Variants in NRG3 observed in about 807,000 individuals in gnomAD.
NRG3 encodes the protein pro-neuregulin-3, membrane-bound isoform.
NRG3 carries 31 observed loss-of-function variants against 66.9 expected under a neutral mutation model. That is an observed-to-expected ratio of 0.46 (90% CI 0.35 to 0.63). The LOEUF (loss-of-function observed/expected upper bound fraction) is 0.63, where lower values mean the gene tolerates loss of function less well. Ranked by LOEUF, NRG3 falls within the 20% of genes least tolerant of loss-of-function variation. The pLI, the probability that NRG3 is intolerant of heterozygous loss-of-function variation, is 0.00. For missense variants in NRG3, 910 were observed against 878.9 expected (o/e 1.04, Z -0.45); for synonymous variants, 393 against 359.4 (o/e 1.09, Z -1.06).
chr10:81,914,068 C>G (rs1304219681), intron 1 of NRG3, among the ~76,000 whole-genome samples: 7 of 152,088 alleles, frequency 4.6e-5, no homozygotes, highest in Non-Finnish European at 8.8e-5. Flanking sequence ...GCCACATTGG[C>G]TAAATATATC....
chr10:82,019,529 T>C (rs1191258145), intron 1 of NRG3, among the ~76,000 whole-genome samples: 3 of 152,228 alleles, frequency 2.0e-5, no homozygotes, highest in Non-Finnish European at 4.4e-5. Flanking sequence ...CTCCTCCTTG[T>C]ACCTCTGGTA....
At chr10:82,518,695 C>T (rs921505539) in intron 2 of NRG3, among the ~76,000 whole-genome samples, 5 of 152,014 alleles carry the variant, frequency 3.3e-5, no homozygotes, top group African/African-American at 1.2e-4. Flanking sequence ...TCTTCAAGGG[C>T]AGCTGGTGAC....
chr10:81,997,220 G>C (rs535780711), intron 1 of NRG3, among the ~76,000 whole-genome samples: 1 of 152,170 alleles, frequency 6.6e-6, no homozygotes, highest in Non-Finnish European at 1.5e-5. Flanking sequence ...GTGATATGGT[G>C]CCTCTCTAAC....
At chr10:82,009,314 G>T (rs911405631) in intron 1 of NRG3, among the ~76,000 whole-genome samples, 3 of 152,144 alleles carry the variant, frequency 2.0e-5, no homozygotes, top group African/African-American at 7.2e-5. Flanking sequence ...TCCAGGGGTG[G>T]CTTGCTTTGT....
In NRG3 at chr10:82,601,429, T is replaced by A. The variant is rs76607214; in HGVS notation, c.954-137148T>A. 2.2e-3 allele frequency among the ~76,000 whole-genome samples: 333 copies of A among 152,344 alleles called. 10 individuals carry two copies. The East Asian group carries it at 0.044, about 20-fold the overall frequency. ...GAATGTTTTCAGGCAAATAACTTTT[T>A]CATGTTGGCATTGTTCTTTGGTTAG... On this transcript the variant is annotated intron_variant, in intron 2 of 8. Coordinates refer to ENST00000372141, the MANE Select transcript of NRG3 (RefSeq NM_001010848.4).
chr10:82,845,649 T>C (rs1591704383), intron 3 of NRG3, among the ~76,000 whole-genome samples: 1 of 152,032 alleles, frequency 6.6e-6, no homozygotes, highest in African/African-American at 2.4e-5. Context: ...AGAAAATAAG[T>C]CAATGCAACA....
At chr10:82,655,604 A>C (rs1267214689) in intron 2 of NRG3, among the ~76,000 whole-genome samples, 1 of 152,180 alleles carries the variant, frequency 6.6e-6, no homozygotes, top group Non-Finnish European at 1.5e-5. Context: ...TAAAAACTGC[A>C]AGAAATTAAT....
chr10:82,250,818 G>A (rs765211075), intron 1 of NRG3, among the ~76,000 whole-genome samples: 2 of 152,232 alleles, frequency 1.3e-5, no homozygotes, highest in South Asian at 4.1e-4. Flanking sequence ...TCCTTGCCTG[G>A]TGCCTGGCTC....
chr10:82,078,411 C>T (rs1280620384), intron 1 of NRG3, among the ~76,000 whole-genome samples: 2 of 152,292 alleles, frequency 1.3e-5, no homozygotes, highest in South Asian at 2.1e-4. Context: ...AGTGCAGTGG[C>T]ACGATCTCGG....
At chr10:82,590,486 T>C (rs2046918932) in intron 2 of NRG3, among the ~76,000 whole-genome samples, 1 of 152,168 alleles carries the variant, frequency 6.6e-6, no homozygotes, top group African/African-American at 2.4e-5. Flanking sequence ...TATTGCCTAC[T>C]CAAAATGTGA....
At chr10:82,932,339 T>C (rs1847653818) in intron 4 of NRG3, among the ~76,000 whole-genome samples, 2 of 152,180 alleles carry the variant, frequency 1.3e-5, no homozygotes, top group Non-Finnish European at 2.9e-5. Context: ...TTTAGGGTGA[T>C]TGAGATGTCA....
At chr10:82,690,566 A>G (rs2054848723) in intron 2 of NRG3, among the ~76,000 whole-genome samples, 2 of 152,324 alleles carry the variant, frequency 1.3e-5, no homozygotes, top group South Asian at 2.1e-4. Context: ...ATAATTCTAC[A>G]TAGAGTGTAA....
rs1269823892 is a variant in NRG3 at position 82,398,524 on chromosome 10, TGTGA to T, written c.953+39658_953+39661del. Reference sequence around the variant, plus strand: ...GTGTGTGTGTGTGTGTGTGTGTGTGTGTGAGAGAGAGAGAGAGAGAGTATGAGTG... The same window carrying T: ...GTGTGTGTGTGTGTGTGTGTGTGTGTGAGAGAGAGAGAGAGAGTATGAGTG... On this transcript the variant is annotated intron_variant, in intron 2 of 8. Transcript: ENST00000372141. 8.5e-5 allele frequency among the ~76,000 whole-genome samples: 12 copies of T among 141,236 alleles called. No homozygotes were observed. In the East Asian group the frequency reaches 1.0e-3, roughly 12 times the overall value. The allele number at this position is 141,236 out of a possible 152,430, so 92.7% of individuals were successfully genotyped here. A position where few individuals can be genotyped will look rare whatever the true frequency, so the allele number is the denominator to read the frequency against.
Position 82,654,896 on chromosome 10 carries a change from G to A in NRG3, c.954-83681G>A, listed in dbSNP as rs192774194. ...TTGATATATTTTTAAAGTGTTATAC[G>A]TATCTCCCACCAAAAATATATTATT... On this transcript the variant is annotated intron_variant, in intron 2 of 8. Transcript: ENST00000372141. Among the ~76,000 whole-genome samples the A allele has an allele frequency of 7.9e-5, 12 of 151,926 alleles. No homozygotes were observed. The East Asian group carries it at 1.5e-3, about 20-fold the overall frequency.
chr10:82,852,600 G>A (rs2063616359), intron 3 of NRG3, among the ~76,000 whole-genome samples: 1 of 152,118 alleles, frequency 6.6e-6, no homozygotes, highest in Non-Finnish European at 1.5e-5. Flanking sequence ...GGAGGAGGAT[G>A]TCATTCAGAT....
At chr10:82,421,975 G>T (rs1274421937) in intron 2 of NRG3, among the ~76,000 whole-genome samples, 1 of 152,074 alleles carries the variant, frequency 6.6e-6, no homozygotes, top group African/African-American at 2.4e-5. Flanking sequence ...TGCCTGCATT[G>T]TTAGCTTGAG....
At chr10:82,683,380 G>A (rs1357575783) in intron 2 of NRG3, among the ~76,000 whole-genome samples, 2 of 151,310 alleles carry the variant, frequency 1.3e-5, no homozygotes, top group African/African-American at 4.9e-5. Flanking sequence ...ATATACTGTA[G>A]AACCTTGTAT....
chr10:82,219,139 C>T (rs1488672594), intron 1 of NRG3, among the ~76,000 whole-genome samples: 1 of 151,358 alleles, frequency 6.6e-6, no homozygotes, highest in Non-Finnish European at 1.5e-5. Flanking sequence ...ATCAGTAACA[C>T]ATTTGTTCTT....
intron 2 of NRG3, among the ~76,000 whole-genome samples, chr10:82,547,623 ATG>A (rs375420506): frequency 0.026 from 3,958 of 151,536 alleles, 84 homozygotes; most frequent in African/African-American, 0.061. Context: ...ATATACATAT[ATG>A]TGTGTGTGTG....
Sources: allele counts gnomAD v4.1 joint callset (sites outside exome capture counted in the v4.1 genomes callset), GRCh38; gene constraint gnomAD v4.1.1; transcripts MANE v1.5; gene names NCBI Gene and HGNC (gene_info 2026-07-23, HGNC 2026-07-21).